Variants in FGF12 observed in about 807,000 individuals in gnomAD.
FGF12 encodes the protein fibroblast growth factor 12, also known as fibroblast growth factor 12B.
FGF12 carries 14 observed loss-of-function variants against 23.6 expected under a neutral mutation model. The ratio of observed to expected loss-of-function variants is 0.59; its 90% CI spans 0.39 to 0.93. FGF12 has a LOEUF of 0.93. FGF12 is among the 40% of genes least tolerant of loss of function. FGF12 has a pLI of 0.00. For missense variants in FGF12, 175 were observed against 217.8 expected (o/e 0.80, Z 1.24); for synonymous variants, 62 against 77.3 (o/e 0.80, Z 1.04).
intron 2 of FGF12, among the ~76,000 whole-genome samples, chr3:192,692,710 T>TA (rs200005337): frequency 0.072 from 8,847 of 123,106 alleles, 441 homozygotes; most frequent in East Asian, 0.21. Flanking sequence ...AGACCCTGTC[T>TA]AAAAAAAAAA....
At chr3:192,541,651 C>G (rs1490007134) in intron 2 of FGF12, among the ~76,000 whole-genome samples, 1 of 151,784 alleles carries the variant, frequency 6.6e-6, no homozygotes, top group African/African-American at 2.4e-5. Flanking sequence ...TTTTTTTGCT[C>G]ACTTACAAAC....
intron 2 of FGF12, among the ~76,000 whole-genome samples, chr3:192,512,837 T>TAAATATATATATATATATATATAC: frequency 1.3e-5 from 1 of 76,062 alleles, no homozygotes. Context: ...CTCAAATAAA[T>TAAATATATATATATATATATATAC]ATATATATAT....
At chr3:192,373,306 A>G (rs914415243) in intron 2 of FGF12, among the ~76,000 whole-genome samples, 1 of 146,674 alleles carries the variant, frequency 6.8e-6, no homozygotes, top group Non-Finnish European at 1.5e-5. Flanking sequence ...TTTTTCAGTG[A>G]CCTAGTTTCT....
At chr3:192,485,138 T>C (rs560147054) in intron 2 of FGF12, among the ~76,000 whole-genome samples, 109 of 152,312 alleles carry the variant, frequency 7.2e-4, no homozygotes, top group African/African-American at 2.3e-3. Context: ...ATTATATCTA[T>C]AAACAGGTGT....
chr3:192,246,916 AAAAG>A (rs1272171560), intron 4 of FGF12, among the ~76,000 whole-genome samples: 85 of 117,058 alleles, frequency 7.3e-4, no homozygotes, highest in East Asian at 5.3e-3. Context: ...AAGAAAGAGA[AAAAG>A]AAAGAAAGAA....
intron 2 of FGF12, among the ~76,000 whole-genome samples, chr3:192,561,970 A>G (rs1289971284): frequency 6.6e-6 from 1 of 152,106 alleles, no homozygotes; most frequent in Non-Finnish European, 1.5e-5. Context: ...CAGAAGCTTT[A>G]TTCAAGTTAG....
At chr3:192,614,845 A>G (rs1714688665) in intron 2 of FGF12, among the ~76,000 whole-genome samples, 1 of 151,976 alleles carries the variant, frequency 6.6e-6, no homozygotes, top group South Asian at 2.1e-4. Flanking sequence ...CAATCTCTAG[A>G]CAGAGGAGCA....
intron 2 of FGF12, among the ~76,000 whole-genome samples, chr3:192,544,117 G>C (rs554568653): frequency 6.6e-6 from 1 of 152,264 alleles, no homozygotes; most frequent in African/African-American, 2.4e-5. Context: ...AGCTTTGGCT[G>C]AGTTCTGCCT....
intron 4 of FGF12, among the ~76,000 whole-genome samples, chr3:192,326,917 T>A (rs1055346380): frequency 6.6e-6 from 1 of 152,128 alleles, no homozygotes; most frequent in Admixed American, 6.5e-5. Context: ...AATAATAGAG[T>A]TATTGCAAGG....
chr3:192,250,036 A>T (rs886468728), intron 4 of FGF12, among the ~76,000 whole-genome samples: 3 of 152,228 alleles, frequency 2.0e-5, no homozygotes, highest in African/African-American at 7.2e-5. Flanking sequence ...CATTTTTAAA[A>T]CAACCTTATT....
At chr3:192,261,375 G>C (rs1712738828) in intron 4 of FGF12, among the ~76,000 whole-genome samples, 1 of 152,090 alleles carries the variant, frequency 6.6e-6, no homozygotes, top group Non-Finnish European at 1.5e-5. Flanking sequence ...ACAGCATCTA[G>C]GTAGTAAGAG....
intron 4 of FGF12, among the ~76,000 whole-genome samples, chr3:192,283,894 G>C (rs1043180181): frequency 1.3e-5 from 2 of 152,026 alleles, no homozygotes; most frequent in Non-Finnish European, 2.9e-5. Context: ...CTCAATCTCA[G>C]TGCACACATA....
chr3:192,646,876 A>G (rs1271948773), intron 2 of FGF12, among the ~76,000 whole-genome samples: 1 of 152,030 alleles, frequency 6.6e-6, no homozygotes, highest in Non-Finnish European at 1.5e-5. Context: ...TAAATTATAC[A>G]TCAATAAAGT....
chr3:192,630,079 C>A (rs1429129554), intron 2 of FGF12, among the ~76,000 whole-genome samples: 1 of 152,028 alleles, frequency 6.6e-6, no homozygotes, highest in Admixed American at 6.6e-5. Context: ...GTGCTGTCCT[C>A]GTGATAGTGA....
chr3:192,485,088 T>A (rs533130615), intron 2 of FGF12, among the ~76,000 whole-genome samples: 30 of 151,940 alleles, frequency 2.0e-4, no homozygotes, highest in African/African-American at 6.0e-4. Context: ...AAATTTTAAA[T>A]TTTATATGTA....
At chr3:192,596,783 G>T (rs1241450972) in intron 2 of FGF12, among the ~76,000 whole-genome samples, 2 of 152,176 alleles carry the variant, frequency 1.3e-5, no homozygotes, top group Admixed American at 6.5e-5. Context: ...TTTACACACG[G>T]CAGCTTTGCA....
intron 4 of FGF12, among the ~76,000 whole-genome samples, chr3:192,334,825 G>A (rs973058624): frequency 5.9e-5 from 9 of 152,106 alleles, no homozygotes; most frequent in East Asian, 1.9e-4. Flanking sequence ...ATCCTTGCTC[G>A]TAATCCAGAG....
chr3:192,391,898 A>G (rs1292149414), intron 2 of FGF12, among the ~76,000 whole-genome samples: 1 of 152,204 alleles, frequency 6.6e-6, no homozygotes, highest in Non-Finnish European at 1.5e-5. Context: ...TAGATTGGAG[A>G]CGGTAAGACA....
At chr3:192,316,274 A>C (rs565012603) in intron 4 of FGF12, among the ~76,000 whole-genome samples, 35 of 152,240 alleles carry the variant, frequency 2.3e-4, no homozygotes, top group South Asian at 8.3e-4. Flanking sequence ...TACCTACACA[A>C]AAAAAAATCC....
Sources: allele counts gnomAD v4.1 joint callset (sites outside exome capture counted in the v4.1 genomes callset), GRCh38; gene constraint gnomAD v4.1.1; transcripts MANE v1.5; gene names NCBI Gene and HGNC (gene_info 2026-07-23, HGNC 2026-07-21).